TTC28: variants seen among roughly 807,000 people sequenced by gnomAD.
TTC28 encodes the protein tetratricopeptide repeat domain 28, also known as tetratricopeptide repeat protein 28.
In TTC28, 61 loss-of-function variants were observed where a neutral mutation model predicts 198.0. That is an observed-to-expected ratio of 0.31 (90% CI 0.25 to 0.38). The LOEUF is 0.38. Among genes scored for constraint, TTC28 ranks in the 10% least tolerant of loss-of-function variants. The pLI, the probability that TTC28 is intolerant of heterozygous loss-of-function variation, is 1.00. For missense variants in TTC28, 2,678 were observed against 3,164.0 expected (o/e 0.85, Z 3.69); for synonymous variants, 1,171 against 1,297.8 (o/e 0.90, Z 2.10).
intron 2 of TTC28, among the ~76,000 whole-genome samples, chr22:28,489,995 G>A (rs576752644): frequency 6.6e-6 from 1 of 152,202 alleles, no homozygotes; most frequent in South Asian, 2.1e-4. Flanking sequence ...GATGTTCGAG[G>A]GCAGGAAGCA....
chr22:28,346,393 C>T, intron 2 of TTC28, among the ~76,000 whole-genome samples: 1 of 152,198 alleles, frequency 6.6e-6, no homozygotes. Flanking sequence ...TACTGGCCAA[C>T]AGCTCTTCTT....
At chr22:28,167,858 T>C (rs1337672957) in intron 5 of TTC28, among the ~76,000 whole-genome samples, 1 of 152,112 alleles carries the variant, frequency 6.6e-6, no homozygotes, top group Non-Finnish European at 1.5e-5. Flanking sequence ...GGGTATTCAA[T>C]TAGGAAAAGA....
intron 6 of TTC28, among the ~76,000 whole-genome samples, chr22:28,129,417 C>T (rs1296069222): frequency 6.6e-6 from 1 of 152,212 alleles, no homozygotes; most frequent in Admixed American, 6.5e-5. Flanking sequence ...TGAAATCCAC[C>T]TTTGTAATCC....
intron 5 of TTC28, among the ~76,000 whole-genome samples, chr22:28,278,656 G>A (rs144223440): frequency 6.6e-6 from 1 of 152,198 alleles, no homozygotes; most frequent in Non-Finnish European, 1.5e-5. Flanking sequence ...TTGCAAGAGA[G>A]AGGTGACTCC....
chr22:28,326,981 C>A (rs1288686193), intron 2 of TTC28, among the ~76,000 whole-genome samples: 3 of 84,902 alleles, frequency 3.5e-5, no homozygotes, highest in Non-Finnish European at 9.2e-5. Context: ...CACAAACACA[C>A]ACACACACAC....
intron 1 of TTC28, among the ~76,000 whole-genome samples, chr22:28,653,973 T>C (rs559373909): frequency 2.0e-5 from 3 of 152,340 alleles, no homozygotes; most frequent in Non-Finnish European, 4.4e-5. Flanking sequence ...CTCTGTAACA[T>C]CTATGGTTTA....
intron 5 of TTC28, among the ~76,000 whole-genome samples, chr22:28,220,037 C>T (rs543945238): frequency 6.6e-6 from 1 of 152,280 alleles, no homozygotes; most frequent in African/African-American, 2.4e-5. Flanking sequence ...TGCTGGATCC[C>T]ATCTGGTGTC....
chr22:28,539,523 C>A (rs1034919906), intron 2 of TTC28, among the ~76,000 whole-genome samples: 2 of 151,880 alleles, frequency 1.3e-5, no homozygotes, highest in African/African-American at 4.8e-5. Flanking sequence ...GTACCCCCAG[C>A]TACTTGGGAG....
chr22:28,526,730 A>G (rs1163138744), intron 2 of TTC28, among the ~76,000 whole-genome samples: 2 of 152,002 alleles, frequency 1.3e-5, no homozygotes, highest in Non-Finnish European at 2.9e-5. Flanking sequence ...GGAAGAAGCT[A>G]ATCTGTTTTT....
At chr22:28,230,696 T>C (rs542209121) in intron 5 of TTC28, among the ~76,000 whole-genome samples, 5 of 152,318 alleles carry the variant, frequency 3.3e-5, no homozygotes, top group African/African-American at 7.2e-5. Context: ...GTATATCCTA[T>C]AGTAGCAGCT....
intron 2 of TTC28, among the ~76,000 whole-genome samples, chr22:28,382,990 C>G (rs1407931186): frequency 6.6e-6 from 1 of 152,292 alleles, no homozygotes; most frequent in East Asian, 1.9e-4. Flanking sequence ...AATTCTCAAT[C>G]TCATCTTACT....
intron 2 of TTC28, among the ~76,000 whole-genome samples, chr22:28,484,024 T>C (rs777779362): frequency 4.3e-4 from 66 of 152,338 alleles, no homozygotes; most frequent in Non-Finnish European, 7.9e-4. Flanking sequence ...AAAAATAGCT[T>C]TTCGTCTTGC....
At chr22:28,580,496 C>G (rs1838812247) in intron 2 of TTC28, among the ~76,000 whole-genome samples, 1 of 152,096 alleles carries the variant, frequency 6.6e-6, no homozygotes, top group South Asian at 2.1e-4. Context: ...CCTTGGCCTC[C>G]CAAAGTGCAG....
chr22:28,516,411 T>C (rs2048787515), intron 2 of TTC28, among the ~76,000 whole-genome samples: 1 of 151,956 alleles, frequency 6.6e-6, no homozygotes, highest in Non-Finnish European at 1.5e-5. Context: ...AATATAATGG[T>C]TTTCAGGTGT....
In TTC28 at chr22:27,998,761, A is replaced by T. The variant is rs2146540918; in HGVS notation, c.4898T>A (p.Val1633Asp). ...LGSSQESNSK[V>D]TADGVIALTR... is the part of the protein sequence containing the mutation. ...CAGCGCGATGACCCCGTCGGCTGTGACTTTGCTGTTGGACTCCTGGGAGGA... is the reference window on the plus strand; with the variant it reads ...CAGCGCGATGACCCCGTCGGCTGTGTCTTTGCTGTTGGACTCCTGGGAGGA... The change falls in exon 16 of 23, where the codon GTC (valine) becomes GAC (aspartate). Residue 1633 changes from valine to aspartate, a missense_variant. Val to Asp is a radical substitution (Grantham distance 152). Transcript: ENST00000397906. 6.4e-7 allele frequency: 1 copy of T among 1,550,740 alleles called. No homozygotes were observed.
chr22:28,045,469 C>T (rs1000655713), intron 12 of TTC28, among the ~76,000 whole-genome samples: 1 of 152,156 alleles, frequency 6.6e-6, no homozygotes, highest in Non-Finnish European at 1.5e-5. Context: ...GGGAAGCAAA[C>T]CTTTCTTCTT....
intron 12 of TTC28, among the ~76,000 whole-genome samples, chr22:28,090,376 G>T (rs1409290156): frequency 2.0e-5 from 3 of 151,492 alleles, no homozygotes; most frequent in Admixed American, 1.3e-4. Context: ...TAAACATTTG[G>T]CTATTTGATT....
chr22:28,476,191 T>C (rs2048163765), intron 2 of TTC28, among the ~76,000 whole-genome samples: 1 of 152,218 alleles, frequency 6.6e-6, no homozygotes, highest in Non-Finnish European at 1.5e-5. Flanking sequence ...GCTGTATGTA[T>C]CATCTCCTTG....
chr22:28,595,909 C>T (rs1350695494), intron 2 of TTC28, among the ~76,000 whole-genome samples: 1 of 152,082 alleles, frequency 6.6e-6, no homozygotes, highest in African/African-American at 2.4e-5. Flanking sequence ...AGCAACAGAG[C>T]GAGACTCTGT....
Sources: gnomAD v4.1 joint callset for allele counts (sites outside exome capture counted in the v4.1 genomes callset) on GRCh38, gnomAD v4.1.1 for gene constraint, MANE v1.5 for transcripts, NCBI Gene and HGNC (gene_info 2026-07-23, HGNC 2026-07-21) for gene names.